ATP2C2: variants seen among roughly 807,000 people sequenced by gnomAD.
ATP2C2 encodes ATPase secretory pathway Ca2+ transporting 2, also known as calcium-transporting ATPase type 2C member 2.
A neutral mutation model predicts 110.8 loss-of-function variants in ATP2C2; 171 were observed. The ratio of observed to expected loss-of-function variants is 1.54; its 90% confidence interval spans 1.36 to 1.75. The LOEUF (loss-of-function observed/expected upper bound fraction) is 1.75, where lower values mean the gene tolerates loss of function less well. ATP2C2 is among the 40% of genes most tolerant of loss of function. The pLI is 0.00. For synonymous variants in ATP2C2, 804 were observed against 508.4 expected, an observed-to-expected ratio of 1.58 and a Z score of -7.82; for missense variants, 1,963 against 1,235.0, an observed-to-expected ratio of 1.59 and a Z score of -8.84.
intron 1 of ATP2C2, among the ~76,000 whole-genome samples, chr16:84,379,123 C>G (rs1386980550): frequency 6.6e-6 from 1 of 150,388 alleles, no homozygotes; most frequent in Non-Finnish European, 1.5e-5. Flanking sequence ...CCCTCTCTTC[C>G]CCTCCTTTCC....
intron 7 of ATP2C2, among the ~76,000 whole-genome samples, chr16:84,421,893 C>T (rs1010281755): frequency 6.6e-6 from 1 of 152,116 alleles, no homozygotes; most frequent in African/African-American, 2.4e-5. Flanking sequence ...CAGTGTTCTG[C>T]AAATGTCAGT....
At chr16:84,443,329 C>G (rs1328011332) in intron 15 of ATP2C2, among the ~76,000 whole-genome samples, 1 of 152,200 alleles carries the variant, frequency 6.6e-6, no homozygotes, top group South Asian at 2.1e-4. Flanking sequence ...GGTCCCTCCT[C>G]TTCAGCCAGA....
intron 21 of ATP2C2, among the ~76,000 whole-genome samples, chr16:84,456,465 C>G (rs1303798785): frequency 7.0e-6 from 1 of 142,738 alleles, no homozygotes; most frequent in Non-Finnish European, 1.5e-5. Flanking sequence ...CGCTCCTATT[C>G]AACATAGTGT....
intron 23 of ATP2C2, chr16:84,459,590 T>C: frequency 6.5e-7 from 1 of 1,535,774 alleles, no homozygotes; most frequent in East Asian, 2.4e-5. Context: ...CCGGCAGAGC[T>C]GGGTGAGGAT....
At chr16:84,451,006 A>G (rs979934552) in intron 17 of ATP2C2, among the ~76,000 whole-genome samples, 1 of 152,048 alleles carries the variant, frequency 6.6e-6, no homozygotes, top group African/African-American at 2.4e-5. Context: ...TTATACCATG[A>G]GTGGTGTATT....
In ATP2C2 at chr16:84,452,009, G is replaced by C; in HGVS notation, c.1749G>C (p.Lys583Asn). The C allele has an allele frequency of 6.2e-7, 1 of 1,613,832 alleles. No individual in the cohort carries two copies. Among genetic ancestry groups the C allele is most frequent in the Non-Finnish European group, 8.5e-7 (1 of 1,179,968 alleles). Residue 583 changes from lysine to asparagine, a missense_variant, in exon 18 of 27, where the codon AAG (lysine) becomes AAC (asparagine). Transcript: ENST00000262429. The stretch of plus-strand genomic sequence containing the variant: ...TTGACCCCCCGAGAGTTGGCGTGAA[G>C]GAAGCAGTCCAGGTTCTCTCCGAGT... ...GIIDPPRVGVKEAVQVLSESG... is the reference protein window; with the variant it reads ...GIIDPPRVGVNEAVQVLSESG...
chr16:84,412,439 TGC>T (rs1906434983), intron 6 of ATP2C2, among the ~76,000 whole-genome samples: 2 of 149,206 alleles, frequency 1.3e-5, no homozygotes, highest in Admixed American at 1.4e-4. Context: ...CGTGTGTGTA[TGC>T]ATGTGTGTGT....
intron 16 of ATP2C2, among the ~76,000 whole-genome samples, chr16:84,447,855 A>G (rs942113564): frequency 6.8e-6 from 1 of 146,450 alleles, no homozygotes; most frequent in African/African-American, 2.5e-5. Context: ...TATTATATTT[A>G]TTAATAACAT....
intron 1 of ATP2C2, among the ~76,000 whole-genome samples, chr16:84,382,942 G>A (rs1399019767): frequency 6.6e-6 from 1 of 151,578 alleles, no homozygotes; most frequent in Non-Finnish European, 1.5e-5. Context: ...GCCAAGCCAG[G>A]AGGAAGAGCT....
rs537822860 is a variant in ATP2C2 at position 84,425,867 on chromosome 16, C to G, written c.986+66C>G. On this transcript the variant is annotated intron_variant, in intron 11 of 26. Transcript: ENST00000262429. ...CAATGGGCTCTGAGCCCTTCCCTGC[C>G]GCAAGAGAAGGTGGGGAGGCTGCAG... 6 of 1,565,206 alleles carry G rather than the reference C, an allele frequency of 3.8e-6. No homozygotes were observed. The East Asian group carries it at 1.3e-4, about 35-fold the overall frequency.
In ATP2C2 at chr16:84,453,214, G is replaced by C. The variant is rs1449683816; in HGVS notation, c.1908G>C (p.Glu636Asp). The C allele has an allele frequency of 1.9e-6, 3 of 1,613,796 alleles. No homozygotes were observed. The highest frequency in any genetic ancestry group is 2.5e-6 in the Non-Finnish European group (3 of 1,179,820). The part of the protein sequence containing the change: ...GEEVDSVEKG[E>D]LADRVGKVSV... ...AGGTGGACAGCGTGGAGAAGGGCGA[G>C]CTGGCCGACCGCGTGGGGAAGGTGG... The change falls in exon 19 of 27, where the codon GAG becomes GAC. Residue 636 changes from glutamate to aspartate, a missense_variant. Physicochemically the swap from Glu to Asp is conservative, Grantham distance 45 (BLOSUM62 2). Coordinates refer to ENST00000262429, the MANE Select transcript of ATP2C2 (RefSeq NM_014861.4).
In ATP2C2 at chr16:84,381,844, A is replaced by T. The variant is rs543048906; in HGVS notation, c.99+13130A>T. ...CCACATTGTTTTGAATCCTTACAAA[A>T]ATCCCTGTAGAAATCTGAGGCTTAG... is the stretch of plus-strand genomic sequence containing the variant. On this transcript the variant is annotated intron_variant, in intron 1 of 26. Coordinates refer to ENST00000262429, the MANE Select transcript of ATP2C2 (RefSeq NM_014861.4). Among the ~76,000 whole-genome samples the T allele has an allele frequency of 3.3e-5, 5 of 152,288 alleles. No homozygotes were observed. The East Asian group carries it at 9.6e-4, about 29-fold the overall frequency.
intron 1 of ATP2C2, among the ~76,000 whole-genome samples, chr16:84,382,016 G>A (rs1910605337): frequency 6.6e-6 from 1 of 152,026 alleles, no homozygotes; most frequent in South Asian, 2.1e-4. Context: ...TTAAAGTTCT[G>A]GGATACATGT....
chr16:84,378,708 C>T (rs1024958889), intron 1 of ATP2C2, among the ~76,000 whole-genome samples: 2 of 152,218 alleles, frequency 1.3e-5, no homozygotes, highest in Admixed American at 1.3e-4. Flanking sequence ...GGGGGCAGGG[C>T]CGACTACGTG....
intron 1 of ATP2C2, among the ~76,000 whole-genome samples, chr16:84,391,870 T>C (rs565558529): frequency 1.3e-5 from 2 of 152,134 alleles, no homozygotes; most frequent in East Asian, 1.9e-4. Context: ...AGTTCTTTTA[T>C]GTGACTCCCG....
rs1175570129 is a variant in ATP2C2, at chr16:84,393,853, A to C, written c.100-4646A>C. Among the ~76,000 whole-genome samples, 3 of 151,762 alleles carry C rather than the reference A, an allele frequency of 2.0e-5. No individual in the cohort carries two copies. The East Asian group carries it at 5.8e-4, about 29-fold the overall frequency. On this transcript the variant is annotated intron_variant, in intron 1 of 26. Transcript: ENST00000262429. ...CGGAGTTCCTGCCTGTAGCTTGTAA[A>C]TGGCTTTAAAAAAACAAAAAGGCTA...
chr16:84,419,070 G>A (rs137924184), intron 7 of ATP2C2, among the ~76,000 whole-genome samples: 5 of 151,874 alleles, frequency 3.3e-5, no homozygotes, highest in East Asian at 1.9e-4. Context: ...TTAGCCAGGC[G>A]TGGTGGCGTG....
At position 84,442,606 on chromosome 16, in the gene ATP2C2, G is replaced by A. The variant is rs757568232; in HGVS notation, c.1401+7G>A. The A allele has an allele frequency of 8.1e-6, 13 of 1,613,466 alleles. No individual in the cohort carries two copies. Among genetic ancestry groups the A allele is most frequent in the Non-Finnish European group, 2.5e-6 (3 of 1,179,516 alleles). On this transcript the variant is annotated splice_region_variant and intron_variant, in intron 15 of 26. Transcript: ENST00000262429. ...GATGGCCCTGGCGATGAAGGTAGGA[G>A]GTCCTGGGGTGGCTCTGCGGGGAAT... is the stretch of plus-strand genomic sequence containing the variant.
At chr16:84,443,931 C>G (rs773128660) in intron 15 of ATP2C2, among the ~76,000 whole-genome samples, 1 of 152,144 alleles carries the variant, frequency 6.6e-6, no homozygotes, top group Non-Finnish European at 1.5e-5. Flanking sequence ...CTTTAAGAGG[C>G]TAAGGCGGGA....
Sources: gnomAD v4.1 joint callset for allele counts (sites outside exome capture counted in the v4.1 genomes callset) on GRCh38, gnomAD v4.1.1 for gene constraint, MANE v1.5 for transcripts, NCBI Gene and HGNC (gene_info 2026-07-23, HGNC 2026-07-21) for gene names.